DLGAP1: variants seen among roughly 807,000 people sequenced by gnomAD.
The protein encoded by DLGAP1 is DLG associated protein 1.
A neutral mutation model predicts 90.8 loss-of-function variants in DLGAP1; 11 were observed. That is an observed-to-expected ratio of 0.12 (90% CI 0.08 to 0.20). The LOEUF (loss-of-function observed/expected upper bound fraction) is 0.20, where lower values mean the gene tolerates loss of function less well. Ranked by LOEUF, DLGAP1 falls within the 10% of genes least tolerant of loss-of-function variation. The pLI, the probability that DLGAP1 is intolerant of heterozygous loss-of-function variation, is 1.00. For missense variants in DLGAP1, 1,050 were observed against 1,333.8 expected (o/e 0.79, Z 3.31); for synonymous variants, 558 against 540.7 (o/e 1.03, Z -0.44).
At chr18:3,596,774 G>T in intron 7 of DLGAP1, 1 of 506,976 alleles carries the variant, frequency 2.0e-6, no homozygotes, top group Non-Finnish European at 3.9e-6. Context: ...AAGGGGAGGT[G>T]ATCGGGGCAG....
chr18:3,964,190 T>C (rs1005808039), intron 3 of DLGAP1, among the ~76,000 whole-genome samples: 3 of 152,160 alleles, frequency 2.0e-5, no homozygotes, highest in Non-Finnish European at 4.4e-5. Flanking sequence ...ATTTACACTC[T>C]TTAAAAAAGG....
At chr18:3,570,460 G>A (rs889138077) in intron 8 of DLGAP1, among the ~76,000 whole-genome samples, 6 of 151,584 alleles carry the variant, frequency 4.0e-5, no homozygotes, top group African/African-American at 1.2e-4. Flanking sequence ...TGTATTTTTC[G>A]TAGAGACGGG....
intron 6 of DLGAP1, among the ~76,000 whole-genome samples, chr18:3,739,514 A>G (rs1481846829): frequency 6.8e-6 from 1 of 147,338 alleles, no homozygotes; most frequent in Non-Finnish European, 1.5e-5. Context: ...TTCTCAGTAA[A>G]CTATCGCAAG....
At chr18:4,308,761 C>T (rs1331500562) in intron 1 of DLGAP1, among the ~76,000 whole-genome samples, 4 of 152,142 alleles carry the variant, frequency 2.6e-5, no homozygotes, top group Non-Finnish European at 4.4e-5. Context: ...GAAGAGCTGG[C>T]GGCAAATCTA....
chr18:3,988,572 G>A (rs529802479), intron 3 of DLGAP1, among the ~76,000 whole-genome samples: 111 of 152,174 alleles, frequency 7.3e-4, no homozygotes, highest in African/African-American at 2.5e-3. Flanking sequence ...TAGGGTTGGC[G>A]CTCCCATGAT....
intron 1 of DLGAP1, among the ~76,000 whole-genome samples, chr18:4,301,861 G>C (rs1302439621): frequency 6.6e-6 from 1 of 151,666 alleles, no homozygotes; most frequent in Admixed American, 6.6e-5. Flanking sequence ...CAATCATTGT[G>C]GTTTTGATTT....
intron 2 of DLGAP1, among the ~76,000 whole-genome samples, chr18:4,055,115 TGCTCATGTGACATGA>T (rs2143161718): frequency 6.6e-6 from 1 of 152,322 alleles, no homozygotes; most frequent in East Asian, 1.9e-4. Flanking sequence ...GTTTGGTTCC[TGCTCATGTGACATGA>T]GCAGTGAGGT....
chr18:4,325,307 G>T (rs2080792583), intron 1 of DLGAP1, among the ~76,000 whole-genome samples: 1 of 152,044 alleles, frequency 6.6e-6, no homozygotes, highest in African/African-American at 2.4e-5. Context: ...AACCATGGAG[G>T]TGAAAGATCT....
chr18:3,601,040 A>AT (rs1408447436), intron 7 of DLGAP1, among the ~76,000 whole-genome samples: 3 of 146,730 alleles, frequency 2.0e-5, no homozygotes, highest in African/African-American at 5.0e-5. Flanking sequence ...ATATAGAGAT[A>AT]AAGATATAGA....
intron 5 of DLGAP1, among the ~76,000 whole-genome samples, chr18:3,769,636 C>T (rs1050714229): frequency 2.0e-5 from 3 of 152,046 alleles, no homozygotes; most frequent in Non-Finnish European, 4.4e-5. Context: ...TGATTCCATT[C>T]ATGTAAAATG....
intron 3 of DLGAP1, among the ~76,000 whole-genome samples, chr18:3,945,128 TC>T (rs1315094611): frequency 2.6e-5 from 4 of 152,206 alleles, no homozygotes; most frequent in Admixed American, 2.0e-4. Flanking sequence ...TCTCTGTGCT[TC>T]CAATTTCCCT....
chr18:4,193,215 G>A (rs544722514), intron 1 of DLGAP1, among the ~76,000 whole-genome samples: 11 of 152,332 alleles, frequency 7.2e-5, no homozygotes, highest in Admixed American at 2.0e-4. Context: ...AGACTCAGCT[G>A]GACGTGGGCC....
At chr18:3,910,547 G>C (rs2072009520) in intron 3 of DLGAP1, among the ~76,000 whole-genome samples, 1 of 152,138 alleles carries the variant, frequency 6.6e-6, no homozygotes, top group Admixed American at 6.5e-5. Flanking sequence ...AGAAACATTT[G>C]GGTAGGTGAC....
chr18:3,975,271 C>G (rs1339074222), intron 3 of DLGAP1, among the ~76,000 whole-genome samples: 1 of 151,884 alleles, frequency 6.6e-6, no homozygotes, highest in Non-Finnish European at 1.5e-5. Context: ...AACAAACATC[C>G]CCATCAAAAA....
intron 1 of DLGAP1, among the ~76,000 whole-genome samples, chr18:4,255,060 C>T (rs991963662): frequency 6.6e-6 from 1 of 152,138 alleles, no homozygotes; most frequent in Non-Finnish European, 1.5e-5. Flanking sequence ...CAAAGCAGAG[C>T]CGAGTGCTGG....
chr18:4,391,352 T>C (rs1010006722), intron 1 of DLGAP1, among the ~76,000 whole-genome samples: 3 of 152,174 alleles, frequency 2.0e-5, no homozygotes. Flanking sequence ...GCTTTTGCCT[T>C]TGGCCAGTTT....
At chr18:4,424,607 A>G (rs2083111131) in intron 1 of DLGAP1, among the ~76,000 whole-genome samples, 1 of 152,014 alleles carries the variant, frequency 6.6e-6, no homozygotes, top group Non-Finnish European at 1.5e-5. Context: ...TTTCTTTAAA[A>G]CCATCTGGGA....
chr18:4,115,397 T>A (rs569915435), intron 2 of DLGAP1, among the ~76,000 whole-genome samples: 2 of 152,288 alleles, frequency 1.3e-5, no homozygotes, highest in African/African-American at 4.8e-5. Context: ...TTATATAGTT[T>A]GCTGTATTAA....
In DLGAP1 at chr18:4,165,631, A is replaced by T. The variant is rs1164306248; in HGVS notation, c.-266-14344T>A. ...ATTAAAATGCAATCTGATACTTAAG[A>T]CAATCATATCTAAAAGTGGGGAAGG... On this transcript the variant is annotated intron_variant, in intron 1 of 12. Coordinates refer to ENST00000315677, the MANE Select transcript of DLGAP1 (RefSeq NM_004746.4). 2.0e-5 allele frequency among the ~76,000 whole-genome samples: 3 copies of T among 152,332 alleles called. No homozygotes were observed. The East Asian group carries it at 5.8e-4, about 29-fold the overall frequency.
Sources: allele counts gnomAD v4.1 joint callset (sites outside exome capture counted in the v4.1 genomes callset), GRCh38; gene constraint gnomAD v4.1.1; transcripts MANE v1.5; gene names NCBI Gene and HGNC (gene_info 2026-07-23, HGNC 2026-07-21).